Variants in NKAIN3 observed in about 807,000 individuals in gnomAD.
NKAIN3 encodes the protein sodium/potassium transporting ATPase interacting 3.
Under a neutral mutation model 30.2 loss-of-function variants are expected in NKAIN3, and 25 were observed. The observed-to-expected ratio is 0.83, with a 90% CI of 0.60 to 1.16. The LOEUF (loss-of-function observed/expected upper bound fraction) is 1.16, where lower values mean the gene tolerates loss of function less well. Ranked by LOEUF, NKAIN3 falls within the 50% of genes most tolerant of loss-of-function variation. The probability of loss-of-function intolerance (pLI) is 0.00; values close to 1 mark genes in which losing one functional copy is unlikely to be tolerated. For synonymous variants in NKAIN3, 91 were observed against 89.6 expected, an observed-to-expected ratio of 1.02 and a Z score of -0.09; for missense variants, 225 against 254.1, an observed-to-expected ratio of 0.89 and a Z score of 0.78.
intron 4 of NKAIN3, among the ~76,000 whole-genome samples, chr8:62,898,203 G>A (rs529251879): frequency 1.4e-5 from 2 of 144,386 alleles, no homozygotes; most frequent in East Asian, 4.3e-4. Flanking sequence ...TCTTAGTTTG[G>A]GCAATAAGAA....
rs985751719 is a variant in NKAIN3, at chr8:62,975,245, C to T, written c.*9838C>T. Among the ~76,000 whole-genome samples, 3 of 151,860 alleles carry T rather than the reference C, an allele frequency of 2.0e-5. No homozygotes were observed. The highest frequency in any genetic ancestry group is 4.4e-5 in the Non-Finnish European group (3 of 67,982). ...GTTTCAGAAGGAATGGTACCAGCTC[C>T]TCTTTGTAACTCTGGTAGAGTTCAG... On this transcript the variant is annotated 3_prime_UTR_variant, in exon 7 of 7. Coordinates refer to ENST00000623646, the MANE Select transcript of NKAIN3 (RefSeq NM_001304533.3).
chr8:62,941,776 G>T (rs1822960698), intron 5 of NKAIN3, among the ~76,000 whole-genome samples: 1 of 152,042 alleles, frequency 6.6e-6, no homozygotes, highest in Non-Finnish European at 1.5e-5. Context: ...GGTCATAAAA[G>T]CCATCTATGA....
chr8:62,493,686 C>G (rs549837360), intron 1 of NKAIN3, among the ~76,000 whole-genome samples: 2 of 152,152 alleles, frequency 1.3e-5, no homozygotes, highest in East Asian at 3.9e-4. Flanking sequence ...TTTGTGTCAT[C>G]TCCATCTCTG....
Position 62,819,154 on chromosome 8 carries a change from T to TATATAC in NKAIN3, c.471+72030_471+72031insCATATA, listed in dbSNP as rs1554581358. Among the ~76,000 whole-genome samples, 10 of 32,720 alleles carry TATATAC rather than the reference T, an allele frequency of 3.1e-4. 1 individual carries two copies. Among genetic ancestry groups the TATATAC allele is most frequent in the African/African-American group, 7.6e-4 (10 of 13,144 alleles). The allele number at this position is 32,720 out of a possible 152,430, so 21.5% of individuals were successfully genotyped here. Reference sequence around the variant, plus strand: ...ATCGTTATATATATATATATATACATATATATATATATAATTGTTATTTTT... The same window carrying TATATAC: ...ATCGTTATATATATATATATATACATATATACATATATATATATAATTGTTATTTTT... On this transcript the variant is annotated intron_variant, in intron 4 of 6. Transcript: ENST00000623646.
chr8:62,839,921 A>T (rs564900599), intron 4 of NKAIN3, among the ~76,000 whole-genome samples: 53 of 152,248 alleles, frequency 3.5e-4, no homozygotes, highest in African/African-American at 1.2e-3. Context: ...CCTGCCTAAG[A>T]CATTTATAAA....
intron 1 of NKAIN3, among the ~76,000 whole-genome samples, chr8:62,310,030 G>T (rs1008333885): frequency 2.0e-5 from 3 of 150,520 alleles, no homozygotes; most frequent in Non-Finnish European, 4.4e-5. Context: ...AAATAGAATG[G>T]TTAATGACAC....
chr8:62,637,112 A>G (rs1812154848), intron 3 of NKAIN3, among the ~76,000 whole-genome samples: 1 of 152,208 alleles, frequency 6.6e-6, no homozygotes, highest in African/African-American at 2.4e-5. Flanking sequence ...TTTTTAAATA[A>G]CAAAATCTAA....
At chr8:62,919,349 A>G (rs1235279955) in intron 5 of NKAIN3, among the ~76,000 whole-genome samples, 1 of 137,646 alleles carries the variant, frequency 7.3e-6, no homozygotes, top group Non-Finnish European at 1.5e-5. Flanking sequence ...GGTTCACACC[A>G]TTCTCCTGCC....
intron 3 of NKAIN3, among the ~76,000 whole-genome samples, chr8:62,694,081 A>G (rs986226839): frequency 7.2e-5 from 11 of 152,166 alleles, no homozygotes; most frequent in African/African-American, 1.9e-4. Context: ...TTTTCTTTGT[A>G]TTGGGAACAT....
At chr8:62,736,385 C>G (rs1454374825) in intron 3 of NKAIN3, among the ~76,000 whole-genome samples, 2 of 152,136 alleles carry the variant, frequency 1.3e-5, no homozygotes. Context: ...GTGTGGATTT[C>G]AGGCCAATGG....
chr8:62,570,307 A>G (rs986000974), intron 1 of NKAIN3, among the ~76,000 whole-genome samples: 2 of 152,210 alleles, frequency 1.3e-5, no homozygotes, highest in African/African-American at 4.8e-5. Context: ...AATGTTTACA[A>G]TTAAGAATAA....
intron 1 of NKAIN3, among the ~76,000 whole-genome samples, chr8:62,411,397 C>G (rs1015923577): frequency 6.6e-6 from 1 of 152,096 alleles, no homozygotes; most frequent in African/African-American, 2.4e-5. Context: ...AAGGAACATG[C>G]CTCAAAATGG....
intron 3 of NKAIN3, among the ~76,000 whole-genome samples, chr8:62,606,767 T>C (rs183143367): frequency 4.3e-4 from 65 of 152,296 alleles, no homozygotes; most frequent in African/African-American, 1.4e-3. Context: ...CTCTGTGTAT[T>C]TGAAATATTA....
At chr8:62,864,074 A>C (rs573801444) in intron 4 of NKAIN3, 2 of 668,404 alleles carry the variant, frequency 3.0e-6, no homozygotes, top group African/African-American at 3.6e-5. Flanking sequence ...ACTTTCCTGG[A>C]GCTCATTCCG....
intron 4 of NKAIN3, among the ~76,000 whole-genome samples, chr8:62,770,416 A>C (rs976167784): frequency 1.3e-5 from 2 of 152,198 alleles, no homozygotes; most frequent in Non-Finnish European, 2.9e-5. Flanking sequence ...TGTGTTTCTC[A>C]CAGTTCTAGA....
intron 4 of NKAIN3, chr8:62,864,102 C>CT (rs1029358879): frequency 1.2e-4 from 74 of 635,336 alleles, no homozygotes; most frequent in African/African-American, 8.1e-4. Context: ...GCAAGCGGGG[C>CT]TACAGGGGCT....
chr8:62,898,517 G>A (rs4284039), intron 4 of NKAIN3, among the ~76,000 whole-genome samples: 117,969 of 152,010 alleles, frequency 0.78, 46,666 homozygotes, highest in East Asian at 0.98. Context: ...ATGGGTACAC[G>A]AAGGGATACA....
At chr8:62,474,077 G>A (rs4738978) in intron 1 of NKAIN3, 1 of 151,986 alleles carries the variant, frequency 6.6e-6, no homozygotes, top group South Asian at 2.1e-4. Context: ...ACCTAATGTT[G>A]TTGTGGTCTT....
Position 62,249,121 on chromosome 8 carries a change from G to A in NKAIN3, c.48G>A (p.Leu16=). 6.5e-7 allele frequency: 1 copy of A among 1,537,236 alleles called. No individual in the cohort carries two copies. The highest frequency in any genetic ancestry group is 8.7e-7 in the Non-Finnish European group (1 of 1,143,550). The change falls in exon 1 of 7, where the codon CTG becomes CTA. Residue 16 remains leucine, a synonymous_variant. Coordinates refer to ENST00000623646, the MANE Select transcript of NKAIN3 (RefSeq NM_001304533.3). ...GCTCGCTCATCTGCCTCTGCGCGCT[G>A]CAGTTGGTGAGTGCCCCGAGGGCCC... ...GRCSLICLCA[L]QLVSALERQI...
Sources: gnomAD v4.1 joint callset for allele counts (sites outside exome capture counted in the v4.1 genomes callset) on GRCh38, gnomAD v4.1.1 for gene constraint, MANE v1.5 for transcripts, NCBI Gene and HGNC (gene_info 2026-07-23, HGNC 2026-07-21) for gene names.